The following TRRAP variants were observed in gnomAD, a reference collection of about 807,000 sequenced individuals.
The protein encoded by TRRAP is transformation/transcription domain-associated protein.
In TRRAP, 41 loss-of-function variants were observed where a neutral mutation model predicts 438.8. The observed-to-expected ratio is 0.09, with a 90% CI of 0.07 to 0.12. The LOEUF (loss-of-function observed/expected upper bound fraction) is 0.12. TRRAP is among the 10% of genes least tolerant of loss of function. TRRAP has a pLI of 1.00. For synonymous variants in TRRAP, 1,994 were observed against 1,962.9 expected, an observed-to-expected ratio of 1.02 and a Z score of -0.42; for missense variants, 3,122 against 5,055.1, an observed-to-expected ratio of 0.62 and a Z score of 11.60.
chr7:98,962,950 A>T (rs1181941029), intron 47 of TRRAP, among the ~76,000 whole-genome samples: 1 of 152,190 alleles, frequency 6.6e-6, no homozygotes, highest in Non-Finnish European at 1.5e-5. Context: ...TGTGGCAGAC[A>T]CATGTCTTTG....
In TRRAP at chr7:98,908,839, G is replaced by C. The variant is rs140681775; in HGVS notation, c.1227G>C (p.Glu409Asp). ...VQLFAKNIDD[E>D]SLPSSIQTMS... ...TCTTCGCCAAGAACATCGACGATGA[G>C]TCCCTGCCCAGCAGCATCCAGACCA... The change falls in exon 14 of 73, where the codon GAG becomes GAC. Residue 409 changes from glutamate (E) to aspartate (D), a missense_variant. This residue lies in a region of TRRAP where 343 missense variants were observed against 564.0 expected (regional missense o/e 0.61). Coordinates refer to ENST00000456197, the MANE Select transcript of TRRAP (RefSeq NM_001375524.1). The surrounding 1 kb of genome is among the most constrained non-coding windows in gnomAD (Gnocchi z 4.1). 9.6e-5 allele frequency: 155 copies of C among 1,613,472 alleles called. No homozygotes were observed. In the African/African-American group the frequency reaches 1.8e-3, roughly 19 times the overall value.
intron 53 of TRRAP, among the ~76,000 whole-genome samples, chr7:98,972,912 C>T (rs969648962): frequency 3.3e-5 from 5 of 152,096 alleles, no homozygotes; most frequent in East Asian, 1.9e-4. Flanking sequence ...TGGGATGGAG[C>T]GGGAAGCAGA....
rs773811243 is a variant in TRRAP, at chr7:98,970,277, G to A, written c.7678G>A (p.Glu2560Lys). 1.2e-6 allele frequency: 2 copies of A among 1,612,320 alleles called. No homozygotes were observed. Among genetic ancestry groups the A allele is most frequent in the South Asian group, 1.1e-5 (1 of 91,078 alleles). Reference protein sequence around the residue: ...KQEPRERENSESKEEDVEIDI... With the variant: ...KQEPRERENSKSKEEDVEIDI... ...GGAGCCCCGGGAGCGGGAGAACAGC[G>A]AGTCCAAAGAGGAGGTGAGGCCCTG... is the stretch of plus-strand genomic sequence containing the variant. Residue 2560 changes from glutamate to lysine, a missense_variant, in exon 52 of 73, where the codon GAG becomes AAG. Glu to Lys is a moderately conservative substitution (Grantham distance 56). Coordinates refer to ENST00000456197, the MANE Select transcript of TRRAP (RefSeq NM_001375524.1).
intron 35 of TRRAP, 37 bp from the exon 36 acceptor site, chr7:98,949,380 T>G (rs371751924): frequency 2.7e-6 from 4 of 1,459,536 alleles, no homozygotes; most frequent in Non-Finnish European, 3.6e-6. Flanking sequence ...TGAGTTTGAT[T>G]AGCTTAAAAC....
Position 98,965,132 on chromosome 7 carries a change from A to G in TRRAP, c.6976+357A>G, listed in dbSNP as rs115266932. ...GATTGAGACTCTCTCTCACGTGTGC[A>G]TGCGTGTGCATGTGCACACACACAC... On this transcript the variant is annotated intron_variant, in intron 48 of 72. Coordinates refer to ENST00000456197, the MANE Select transcript of TRRAP (RefSeq NM_001375524.1). Among the ~76,000 whole-genome samples the G allele has an allele frequency of 6.1e-3, 932 of 152,324 alleles. 10 individuals are homozygous for G. The highest frequency in any genetic ancestry group is 0.021 in the African/African-American group (868 of 41,566).
chr7:98,920,874 T>C lies in TRRAP; in HGVS notation c.2623-879T>C, dbSNP rs1208447379. 2.0e-5 allele frequency among the ~76,000 whole-genome samples: 3 copies of C among 152,170 alleles called. No homozygotes were observed. In the East Asian group the frequency reaches 5.8e-4, roughly 29 times the overall value. On this transcript the variant is annotated intron_variant, in intron 20 of 72. Coordinates refer to ENST00000456197, the MANE Select transcript of TRRAP (RefSeq NM_001375524.1). Reference sequence around the variant, plus strand: ...TTTTTTTTGAGATGAAGTTTCGCTCTTGTTGCCCAGGCTGGAGTGCAGTGG... The same window carrying C: ...TTTTTTTTGAGATGAAGTTTCGCTCCTGTTGCCCAGGCTGGAGTGCAGTGG...
At chr7:98,910,746 C>T in intron 16 of TRRAP, 139 bp downstream of exon 16, 1 of 739,618 alleles carries the variant, frequency 1.4e-6, no homozygotes, top group Non-Finnish European at 2.2e-6. Flanking sequence ...GTGTTTTGTT[C>T]CACAACATAG....
intron 3 of TRRAP, among the ~76,000 whole-genome samples, chr7:98,885,174 C>CACTGCAGCCTTGA (rs1795641670): frequency 6.6e-6 from 1 of 151,904 alleles, no homozygotes; most frequent in Admixed American, 6.6e-5. Flanking sequence ...AGTCACAGCT[C>CACTGCAGCCTTGA]ACTGCAGCCT....
intron 23 of TRRAP, among the ~76,000 whole-genome samples, chr7:98,927,958 G>C (rs1457349909): frequency 1.3e-5 from 2 of 152,148 alleles, no homozygotes; most frequent in Non-Finnish European, 2.9e-5. Context: ...AATAAAAATG[G>C]CCAGGCACGG....
chr7:98,932,806 A>G (rs1489319099), intron 26 of TRRAP, among the ~76,000 whole-genome samples: 1 of 151,974 alleles, frequency 6.6e-6, no homozygotes, highest in African/African-American at 2.4e-5. Context: ...TTCCTCAAGT[A>G]TGTTTTCTCC....
Position 99,012,021 on chromosome 7 carries a change from T to C in TRRAP, c.11338-50T>C. 1 of 1,588,576 alleles carries C rather than the reference T, an allele frequency of 6.3e-7. No homozygotes were observed. The highest frequency in any genetic ancestry group is 8.6e-7 in the Non-Finnish European group (1 of 1,164,692). Reference sequence around the variant, plus strand: ...CCACCTTGTTAGGAAGCTGCCCCTGTGGGCTGTTCTTGGTTAAACACAAGT... The same window carrying C: ...CCACCTTGTTAGGAAGCTGCCCCTGCGGGCTGTTCTTGGTTAAACACAAGT... On this transcript the variant is annotated intron_variant, in intron 72 of 72. Transcript: ENST00000456197. This position sits in a 1 kb window ranked among gnomAD's most constrained non-coding sequence, Gnocchi z 5.9.
chr7:98,975,793 C>T (rs775640384), intron 53 of TRRAP, among the ~76,000 whole-genome samples: 3 of 152,196 alleles, frequency 2.0e-5, no homozygotes, highest in South Asian at 4.1e-4. Flanking sequence ...GCCTGGGCCT[C>T]GGTGACATCT....
intron 11 of TRRAP, among the ~76,000 whole-genome samples, chr7:98,902,172 T>C (rs1349809571): frequency 6.6e-6 from 1 of 152,232 alleles, no homozygotes; most frequent in Non-Finnish European, 1.5e-5. Flanking sequence ...AAGTTGTGTG[T>C]TGTGGCAGCT....
chr7:99,012,542 T>C lies in TRRAP; in HGVS notation c.*187T>C. On this transcript the variant is annotated 3_prime_UTR_variant, in exon 73 of 73. Transcript: ENST00000456197. This position sits in a 1 kb window ranked among gnomAD's most constrained non-coding sequence, Gnocchi z 5.9. The stretch of plus-strand genomic sequence containing the variant: ...TATAGTTTTAGAGGAAGCTGAACTA[T>C]GACGATGCTGGGCGAAGCGGTTGGA... 1 of 715,452 alleles carries C rather than the reference T, an allele frequency of 1.4e-6. No individual in the cohort carries two copies. Among genetic ancestry groups the C allele is most frequent in the Non-Finnish European group, 2.2e-6 (1 of 452,758 alleles). The allele number at this position is 715,452 out of a possible 1,614,324, so 44.3% of individuals were successfully genotyped here. A position where few individuals can be genotyped will look rare whatever the true frequency, so the allele number is the denominator to read the frequency against.
At chr7:98,945,469 C>T (rs1324507539) in intron 31 of TRRAP, among the ~76,000 whole-genome samples, 2 of 152,236 alleles carry the variant, frequency 1.3e-5, no homozygotes, top group African/African-American at 4.8e-5. Flanking sequence ...CTTCCAGTTT[C>T]TCCCCTTTCA....
At chr7:98,967,980 G>T (rs41642) in intron 51 of TRRAP, among the ~76,000 whole-genome samples, 1 of 151,490 alleles carries the variant, frequency 6.6e-6, no homozygotes, top group African/African-American at 2.4e-5. Flanking sequence ...TTCTGTCTGC[G>T]TGCCCTAGAA....
At chr7:98,958,519 C>T (rs1014425233) in intron 44 of TRRAP, among the ~76,000 whole-genome samples, 1 of 152,068 alleles carries the variant, frequency 6.6e-6, no homozygotes, top group Non-Finnish European at 1.5e-5. Context: ...AGGCTGGTCT[C>T]GAGCTCCTGA....
At position 98,964,732 on chromosome 7, in the gene TRRAP, T is replaced by A. The variant is rs748639037; in HGVS notation, c.6933T>A (p.His2311Gln). Residue 2311 changes from histidine (H) to glutamine (Q), a missense_variant, in exon 48 of 73, where the codon CAT (histidine) becomes CAA (glutamine). His to Gln is a conservative substitution (Grantham distance 24). Around this residue, in one of 24 missense-constraint regions of TRRAP, gnomAD observed 992 missense variants for 1,281.2 expected, o/e 0.77. Coordinates refer to ENST00000456197, the MANE Select transcript of TRRAP (RefSeq NM_001375524.1). ...MRSLQKMVREHLNPQAASGST... is the reference protein window; with the variant it reads ...MRSLQKMVREQLNPQAASGST... Reference sequence around the variant, plus strand: ...CCCTGCAGAAGATGGTCCGGGAGCATTTAAACCCTCAGGCAGCGTCAGGAA... The same window carrying A: ...CCCTGCAGAAGATGGTCCGGGAGCAATTAAACCCTCAGGCAGCGTCAGGAA... The A allele has an allele frequency of 6.2e-6, 10 of 1,613,466 alleles. No individual in the cohort carries two copies. The South Asian group carries it at 1.1e-4, about 18-fold the overall frequency.
chr7:99,006,405 A>G (rs1584417092), intron 69 of TRRAP, among the ~76,000 whole-genome samples: 1 of 152,348 alleles, frequency 6.6e-6, no homozygotes, highest in East Asian at 1.9e-4. Context: ...TGCATCACAG[A>G]AAGCTGTGTA....
Sources: gnomAD v4.1 joint callset for allele counts (sites outside exome capture counted in the v4.1 genomes callset) on GRCh38, gnomAD v4.1.1 for gene constraint, gnomAD v4.1.1 regional missense constraint, Gnocchi (gnomAD v3.1) non-coding constraint, MANE v1.5 for transcripts, NCBI Gene and HGNC (gene_info 2026-07-23, HGNC 2026-07-21) for gene names.